NSG2: variants seen among roughly 807,000 people sequenced by gnomAD.
The protein encoded by NSG2 is neuronal vesicle trafficking-associated protein 2.
NSG2 carries 4 observed loss-of-function variants against 16.9 expected under a neutral mutation model. The observed-to-expected ratio is 0.24, with a 90% CI of 0.12 to 0.54. The LOEUF is 0.54. Ranked by LOEUF, NSG2 falls within the 20% of genes least tolerant of loss-of-function variation. The probability of loss-of-function intolerance (pLI) is 0.95; values close to 1 mark genes in which losing one functional copy is unlikely to be tolerated. For synonymous variants in NSG2, 98 were observed against 88.7 expected, an observed-to-expected ratio of 1.11 and a Z score of -0.59; for missense variants, 179 against 221.1, an observed-to-expected ratio of 0.81 and a Z score of 1.21.
chr5:174,064,577 C>T (rs1760109841), intron 3 of NSG2: 2 of 296,540 alleles, frequency 6.7e-6, no homozygotes, highest in Admixed American at 5.1e-5. Flanking sequence ...TCTATTCCTT[C>T]TCCTTTCTCC....
At chr5:174,092,329 C>T (rs1199022229) in intron 3 of NSG2, among the ~76,000 whole-genome samples, 1 of 152,178 alleles carries the variant, frequency 6.6e-6, no homozygotes, top group Non-Finnish European at 1.5e-5. Flanking sequence ...TAGTTAGGGT[C>T]GGGGATGCAG....
intron 3 of NSG2, among the ~76,000 whole-genome samples, chr5:174,067,206 T>A (rs1760156961): frequency 1.3e-5 from 2 of 152,210 alleles, no homozygotes; most frequent in Admixed American, 1.3e-4. Context: ...TATATTTTTT[T>A]TGTCTTCTTT....
intron 3 of NSG2, among the ~76,000 whole-genome samples, chr5:174,087,133 A>G (rs1386474024): frequency 1.3e-5 from 2 of 152,176 alleles, no homozygotes; most frequent in Non-Finnish European, 2.9e-5. Context: ...AAGGCAATTT[A>G]CTTAGTGAGA....
intron 2 of NSG2, among the ~76,000 whole-genome samples, chr5:174,052,318 T>C (rs1759902044): frequency 6.6e-6 from 1 of 151,890 alleles, no homozygotes; most frequent in South Asian, 2.1e-4. Flanking sequence ...GGGAGGCTAG[T>C]GGTATTGAGA....
At chr5:174,099,539 C>A (rs1488891980) in intron 3 of NSG2, among the ~76,000 whole-genome samples, 1 of 152,112 alleles carries the variant, frequency 6.6e-6, no homozygotes, top group Non-Finnish European at 1.5e-5. Flanking sequence ...CTTGTCGCTT[C>A]CCTGCTTAGA....
intron 3 of NSG2, among the ~76,000 whole-genome samples, chr5:174,068,938 G>A (rs1183189065): frequency 2.0e-5 from 3 of 151,388 alleles, no homozygotes; most frequent in Non-Finnish European, 4.4e-5. Flanking sequence ...GTGTCATGGG[G>A]ATCCTGGTGC....
intron 3 of NSG2, among the ~76,000 whole-genome samples, chr5:174,092,428 C>T (rs1760734213): frequency 1.3e-5 from 2 of 152,178 alleles, no homozygotes; most frequent in Non-Finnish European, 2.9e-5. Flanking sequence ...AGGGTGGGGC[C>T]CTTGGGCCCT....
At chr5:174,102,541 C>T (rs1427807296) in intron 3 of NSG2, among the ~76,000 whole-genome samples, 2 of 152,062 alleles carry the variant, frequency 1.3e-5, no homozygotes, top group Non-Finnish European at 2.9e-5. Flanking sequence ...CCCCCTTGTA[C>T]ATAGATGGTG....
At chr5:174,066,844 G>A (rs12109882) in intron 3 of NSG2, among the ~76,000 whole-genome samples, 8 of 151,646 alleles carry the variant, frequency 5.3e-5, no homozygotes, top group African/African-American at 1.9e-4. Context: ...CAAAAAATTA[G>A]CCGGGCGTAG....
chr5:174,068,668 A>G (rs1299488093), intron 3 of NSG2, among the ~76,000 whole-genome samples: 2 of 146,616 alleles, frequency 1.4e-5, no homozygotes, highest in Non-Finnish European at 3.0e-5. Flanking sequence ...TGCTGGTGTC[A>G]TAGTGATTCT....
intron 3 of NSG2, among the ~76,000 whole-genome samples, chr5:174,089,219 CG>C (rs1760682783): frequency 6.6e-6 from 1 of 152,130 alleles, no homozygotes; most frequent in Non-Finnish European, 1.5e-5. Flanking sequence ...TCCCTAACTC[CG>C]AGGGGCAGCA....
At chr5:174,052,625 C>T (rs544650845) in intron 2 of NSG2, among the ~76,000 whole-genome samples, 2 of 152,322 alleles carry the variant, frequency 1.3e-5, no homozygotes, top group Admixed American at 6.5e-5. Flanking sequence ...TCAGGACATG[C>T]CTTTGGTGCT....
chr5:174,053,148 C>T (rs890333698), intron 2 of NSG2, among the ~76,000 whole-genome samples: 2 of 152,182 alleles, frequency 1.3e-5, no homozygotes, highest in African/African-American at 4.8e-5. Flanking sequence ...CATTGCTTAG[C>T]ATCTCTGGGC....
intron 2 of NSG2, among the ~76,000 whole-genome samples, chr5:174,054,692 T>TA (rs560262985): frequency 1.3e-5 from 2 of 151,652 alleles, no homozygotes; most frequent in African/African-American, 2.4e-5. Context: ...GATTTTCTAT[T>TA]AAAAAAAAAT....
At chr5:174,105,902 A>G (rs1451930523) in intron 4 of NSG2, among the ~76,000 whole-genome samples, 1 of 152,050 alleles carries the variant, frequency 6.6e-6, no homozygotes, top group Non-Finnish European at 1.5e-5. Context: ...CTCTGTCTCA[A>G]AAAAAAAGAA....
intron 2 of NSG2, among the ~76,000 whole-genome samples, chr5:174,052,536 C>T (rs1759907550): frequency 6.6e-6 from 1 of 152,172 alleles, no homozygotes. Context: ...AGGAAATAGA[C>T]TCAAATCTAG....
chr5:174,066,207 C>T (rs1247598495), intron 3 of NSG2: 10 of 456,130 alleles, frequency 2.2e-5, no homozygotes, highest in Non-Finnish European at 4.0e-5. Flanking sequence ...CTTTCAGTGT[C>T]TGCCACACAG....
intron 3 of NSG2, among the ~76,000 whole-genome samples, chr5:174,079,521 G>A (rs1485978726): frequency 6.6e-6 from 1 of 152,142 alleles, no homozygotes; most frequent in Non-Finnish European, 1.5e-5. Context: ...CTCCCAAAGT[G>A]CTGGGATTAC....
Position 174,109,007 on chromosome 5 carries a change from G to A in NSG2, c.*1502G>A, listed in dbSNP as rs1009854991. 24 of 152,708 alleles carry A rather than the reference G, an allele frequency of 1.6e-4. No homozygotes were observed. Among genetic ancestry groups the A allele is most frequent in the African/African-American group, 5.6e-4 (23 of 41,350 alleles). 9.5% of individuals were successfully genotyped at this position (152,708 alleles called of 1,614,324 possible). On this transcript the variant is annotated 3_prime_UTR_variant, in exon 5 of 5. Transcript: ENST00000303177. ...AACCTCCAATCACCCTGAGTCACCT[G>A]TAAATTCATTTGTCATTCAAAGCGG...
Sources: allele counts gnomAD v4.1 joint callset (sites outside exome capture counted in the v4.1 genomes callset), GRCh38; gene constraint gnomAD v4.1.1; transcripts MANE v1.5; gene names NCBI Gene and HGNC (gene_info 2026-07-23, HGNC 2026-07-21).